The following USP13 variants were observed in gnomAD, a reference collection of about 807,000 sequenced individuals.
USP13 encodes the protein ubiquitin specific peptidase 13, also known as ubiquitin carboxyl-terminal hydrolase 13.
In USP13, 68 loss-of-function variants were observed where a neutral mutation model predicts 107.8. The observed-to-expected ratio is 0.63, with a 90% CI of 0.52 to 0.77. The LOEUF is 0.77. Ranked by LOEUF, USP13 falls within the 30% of genes least tolerant of loss-of-function variation. The pLI, the probability that USP13 is intolerant of heterozygous loss-of-function variation, is 0.00. For synonymous variants in USP13, 377 were observed against 389.5 expected, an observed-to-expected ratio of 0.97 and a Z score of 0.38; for missense variants, 945 against 1,093.3, an observed-to-expected ratio of 0.86 and a Z score of 1.91.
chr3:179,725,104 C>T (rs1235322002), intron 8 of USP13, among the ~76,000 whole-genome samples: 6 of 152,042 alleles, frequency 3.9e-5, no homozygotes, highest in Non-Finnish European at 7.4e-5. Context: ...ACCAGATACT[C>T]GGGAGGCTGA....
chr3:179,681,797 C>G, intron 1 of USP13, 81 bp from the exon 2 acceptor site: 14 of 1,504,088 alleles, frequency 9.3e-6, no homozygotes, highest in Non-Finnish European at 1.3e-5. Flanking sequence ...TCAGCGTTTG[C>G]CTTCCTTCCC....
At chr3:179,657,774 A>G (rs1043775664) in intron 1 of USP13, among the ~76,000 whole-genome samples, 1 of 150,106 alleles carries the variant, frequency 6.7e-6, no homozygotes, top group Non-Finnish European at 1.5e-5. Flanking sequence ...AAAAAAAAAA[A>G]AAAAAAAAAA....
At chr3:179,754,431 TA>T (rs1714715781) in intron 14 of USP13, among the ~76,000 whole-genome samples, 1 of 152,232 alleles carries the variant, frequency 6.6e-6, no homozygotes, top group Non-Finnish European at 1.5e-5. Flanking sequence ...TCCACACTTT[TA>T]AAATATCAAA....
intron 8 of USP13, among the ~76,000 whole-genome samples, chr3:179,724,666 C>G (rs1713450526): frequency 6.6e-6 from 1 of 152,076 alleles, no homozygotes; most frequent in African/African-American, 2.4e-5. Flanking sequence ...TCTAAATAAA[C>G]TGGTATACAA....
At chr3:179,765,227 C>T (rs7623940) in intron 18 of USP13, among the ~76,000 whole-genome samples, 1 of 152,284 alleles carries the variant, frequency 6.6e-6, no homozygotes, top group East Asian at 1.9e-4. Flanking sequence ...TACCAACATT[C>T]CAGGAGAGAA....
At chr3:179,774,080 C>T (rs1019878894) in intron 19 of USP13, among the ~76,000 whole-genome samples, 13 of 152,224 alleles carry the variant, frequency 8.5e-5, no homozygotes, top group African/African-American at 3.1e-4. Context: ...TTTGAAGAGG[C>T]CTTAGGAAGC....
chr3:179,688,360 T>A (rs1424322695), intron 2 of USP13, among the ~76,000 whole-genome samples: 1 of 152,232 alleles, frequency 6.6e-6, no homozygotes. Flanking sequence ...TGTGCCTTTT[T>A]TGAATCTTTC....
Position 179,653,459 on chromosome 3 carries a change from A to G in USP13, c.168+66A>G. ...CCTGCGGCACGTGAAGCCGGGGGAG[A>G]AGATGCGCAGTGGCGGCCGGGACCT... On this transcript the variant is annotated intron_variant, in intron 1 of 20. Transcript: ENST00000263966. This position sits in a 1 kb window ranked among gnomAD's most constrained non-coding sequence, Gnocchi z 4.0. The G allele has an allele frequency of 1.3e-6, 2 of 1,519,528 alleles. No homozygotes were observed. The highest frequency in any genetic ancestry group is 2.4e-5 in the South Asian group (2 of 81,696). The allele number at this position is 1,519,528 out of a possible 1,614,324, so 94.1% of individuals were successfully genotyped here. A position where few individuals can be genotyped will look rare whatever the true frequency, so the allele number is the denominator to read the frequency against.
At chr3:179,710,175 C>T (rs572020444) in intron 6 of USP13, among the ~76,000 whole-genome samples, 5 of 152,158 alleles carry the variant, frequency 3.3e-5, no homozygotes, top group Non-Finnish European at 7.3e-5. Context: ...TACACAAGCC[C>T]AGGTCTTATC....
At chr3:179,739,091 G>T (rs1265515074) in intron 10 of USP13, among the ~76,000 whole-genome samples, 2 of 152,128 alleles carry the variant, frequency 1.3e-5, no homozygotes, top group Non-Finnish European at 2.9e-5. Flanking sequence ...CACCCTCAGG[G>T]ACCTTACAAG....
intron 16 of USP13, among the ~76,000 whole-genome samples, chr3:179,757,749 C>A (rs1471974806): frequency 2.0e-5 from 3 of 152,186 alleles, no homozygotes; most frequent in Non-Finnish European, 4.4e-5. Flanking sequence ...GAATCTGAAT[C>A]TTACACATTG....
At chr3:179,701,884 G>A (rs1279666604) in intron 4 of USP13, among the ~76,000 whole-genome samples, 1 of 152,116 alleles carries the variant, frequency 6.6e-6, no homozygotes, top group Non-Finnish European at 1.5e-5. Flanking sequence ...GTTTTCCTTC[G>A]ATTCTCGCGT....
Position 179,740,268 on chromosome 3 carries a change from C to T in USP13, c.1276C>T (p.Pro426Ser). 3 of 1,614,104 alleles carry T rather than the reference C, an allele frequency of 1.9e-6. No individual in the cohort carries two copies. Among genetic ancestry groups the T allele is most frequent in the Non-Finnish European group, 2.5e-6 (3 of 1,180,010 alleles). The change falls in exon 11 of 21, where the codon CCG (proline) becomes TCG (serine). Residue 426 changes from proline to serine, a missense_variant. Coordinates refer to ENST00000263966, the MANE Select transcript of USP13 (RefSeq NM_003940.3). ...EHKPQQNGIS[P>S]RMFKAFVSKS... ...TTAGCCACAGCAGAACGGGATCTCT[C>T]CGCGCATGTTTAAGGCCTTTGTAAG...
intron 13 of USP13, among the ~76,000 whole-genome samples, chr3:179,750,426 G>A (rs1714571910): frequency 6.6e-6 from 1 of 150,404 alleles, no homozygotes; most frequent in Non-Finnish European, 1.5e-5. Flanking sequence ...TAAGAATAAT[G>A]TGTATTACTG....
chr3:179,744,954 G>T, intron 12 of USP13, 89 bp from the exon 13 acceptor site: 1 of 1,517,164 alleles, frequency 6.6e-7, no homozygotes. Context: ...CAGCGCAGAA[G>T]CCTTCAGGGA....
chr3:179,744,906 C>T, intron 12 of USP13, 137 bp from the exon 13 acceptor site: 1 of 1,004,698 alleles, frequency 1.0e-6, no homozygotes, highest in Non-Finnish European at 1.4e-6. Context: ...GCAGGGGCAT[C>T]TGGCTCTGTA....
intron 19 of USP13, among the ~76,000 whole-genome samples, chr3:179,774,718 A>C (rs1444417372): frequency 6.6e-6 from 1 of 152,216 alleles, no homozygotes; most frequent in Non-Finnish European, 1.5e-5. Flanking sequence ...GGACCCAAGC[A>C]GGTTGCCACT....
chr3:179,734,196 T>C (rs1713906167), intron 10 of USP13, among the ~76,000 whole-genome samples: 1 of 152,240 alleles, frequency 6.6e-6, no homozygotes, highest in Non-Finnish European at 1.5e-5. Flanking sequence ...AACATTGTCA[T>C]GCATAAAAAG....
chr3:179,689,386 C>T (rs1047530233), intron 2 of USP13, among the ~76,000 whole-genome samples: 8 of 151,842 alleles, frequency 5.3e-5, no homozygotes, highest in South Asian at 2.1e-4. Flanking sequence ...GGGTGGGGTG[C>T]GGTGGCTCAC....
Sources: gnomAD v4.1 joint callset for allele counts (sites outside exome capture counted in the v4.1 genomes callset) on GRCh38, gnomAD v4.1.1 for gene constraint, Gnocchi (gnomAD v3.1) non-coding constraint, MANE v1.5 for transcripts, NCBI Gene and HGNC (gene_info 2026-07-23, HGNC 2026-07-21) for gene names.